The following TRPM3 variants were observed in gnomAD, a reference collection of about 807,000 sequenced individuals.
TRPM3 encodes transient receptor potential cation channel subfamily M member 3, also known as long transient receptor potential channel 3.
TRPM3 carries 77 observed loss-of-function variants against 181.2 expected under a neutral mutation model. That is an observed-to-expected ratio of 0.42 (90% confidence interval 0.35 to 0.51). The LOEUF is 0.51. TRPM3 is among the 20% of genes least tolerant of loss of function. The pLI is 0.01. For synonymous variants in TRPM3, 745 were observed against 796.4 expected (o/e 0.94, Z 1.09); for missense variants, 1,759 against 2,196.7 (o/e 0.80, Z 3.98).
intron 1 of TRPM3, among the ~76,000 whole-genome samples, chr9:71,057,384 A>G (rs2060787332): frequency 6.6e-6 from 1 of 152,072 alleles, no homozygotes; most frequent in African/African-American, 2.4e-5. Context: ...AGTGCTCTTA[A>G]CAGCATTAGC....
chr9:70,550,434 T>G (rs545196095), intron 24 of TRPM3, among the ~76,000 whole-genome samples: 1 of 152,230 alleles, frequency 6.6e-6, no homozygotes, highest in African/African-American at 2.4e-5. Context: ...TGAGCCATTG[T>G]TGAGCTCTGG....
At chr9:70,606,295 AGTCCTTACTTCCCTTT>A in intron 19 of TRPM3, among the ~76,000 whole-genome samples, 1 of 152,224 alleles carries the variant, frequency 6.6e-6, no homozygotes, top group East Asian at 1.9e-4. Flanking sequence ...CTCTTCCCTT[AGTCCTTACTTCCCTTT>A]GATCCCCAAT....
intron 1 of TRPM3, among the ~76,000 whole-genome samples, chr9:71,229,959 A>G (rs2134861): frequency 0.69 from 105,146 of 151,990 alleles, 36,700 homozygotes; most frequent in African/African-American, 0.77. Context: ...AAGGAAATAA[A>G]AGAGATAGCT....
intron 1 of TRPM3, among the ~76,000 whole-genome samples, chr9:71,401,659 G>A (rs902947122): frequency 6.6e-5 from 10 of 152,094 alleles, no homozygotes; most frequent in Admixed American, 5.2e-4. Context: ...TAATACATAC[G>A]GTGGTTAGAG....
rs916412242 is a variant in TRPM3 at position 70,977,141 on chromosome 9, A to AT, written c.178-112631dup. On this transcript the variant is annotated intron_variant, in intron 1 of 25. Transcript: ENST00000677713. ...CAGTCTGAACTGTTTTTATTTATTTATTTTTTTTTTTGAGATGGAGTCTTG... is the reference window on the plus strand; with the variant it reads ...CAGTCTGAACTGTTTTTATTTATTTATTTTTTTTTTTTGAGATGGAGTCTTG... 1.2e-3 allele frequency among the ~76,000 whole-genome samples: 180 copies of AT among 151,136 alleles called. 1 individual carries two copies. Among genetic ancestry groups the AT allele is most frequent in the Non-Finnish European group, 1.8e-3 (124 of 67,672 alleles).
chr9:71,398,862 A>G (rs1485827687), intron 1 of TRPM3, among the ~76,000 whole-genome samples: 1 of 152,238 alleles, frequency 6.6e-6, no homozygotes, highest in Non-Finnish European at 1.5e-5. Context: ...ATAAGTAACA[A>G]TACAGTACAT....
At chr9:71,432,708 T>G (rs780344737) in intron 1 of TRPM3, among the ~76,000 whole-genome samples, 5 of 152,310 alleles carry the variant, frequency 3.3e-5, no homozygotes, top group Admixed American at 6.5e-5. Flanking sequence ...GTTTATCTTT[T>G]TGTTCAAAAT....
intron 1 of TRPM3, among the ~76,000 whole-genome samples, chr9:71,115,827 G>T (rs1355042189): frequency 6.6e-6 from 1 of 152,154 alleles, no homozygotes; most frequent in African/African-American, 2.4e-5. Flanking sequence ...AGGGTTTCTT[G>T]TTGCCTCAGG....
chr9:70,920,173 T>C (rs1184023495), intron 1 of TRPM3, among the ~76,000 whole-genome samples: 1 of 152,222 alleles, frequency 6.6e-6, no homozygotes, highest in Non-Finnish European at 1.5e-5. Context: ...ATCTTCAATA[T>C]TTGATATGCA....
intron 1 of TRPM3, among the ~76,000 whole-genome samples, chr9:71,243,292 G>A (rs2081830067): frequency 6.6e-6 from 1 of 152,104 alleles, no homozygotes; most frequent in African/African-American, 2.4e-5. Flanking sequence ...TCAAAGTGCT[G>A]GGATTACAGG....
intron 1 of TRPM3, among the ~76,000 whole-genome samples, chr9:71,044,688 T>G (rs1274643643): frequency 1.3e-5 from 2 of 152,224 alleles, no homozygotes; most frequent in African/African-American, 2.4e-5. Context: ...TTTTCGTTTT[T>G]TGAGACGGAG....
At chr9:71,365,306 T>C (rs6560200) in intron 1 of TRPM3, among the ~76,000 whole-genome samples, 78,170 of 152,038 alleles carry the variant, frequency 0.51, 20,418 homozygotes, top group East Asian at 0.6. Flanking sequence ...AACCCCAGGC[T>C]GCATGTAAAG....
chr9:70,916,144 C>T (rs760318735), intron 1 of TRPM3, among the ~76,000 whole-genome samples: 2 of 152,010 alleles, frequency 1.3e-5, no homozygotes, highest in Non-Finnish European at 2.9e-5. Context: ...GTATGTTCAG[C>T]AAAAATATCC....
At chr9:71,055,366 G>A (rs1188442519) in intron 1 of TRPM3, among the ~76,000 whole-genome samples, 3 of 152,068 alleles carry the variant, frequency 2.0e-5, no homozygotes, top group Admixed American at 2.0e-4. Context: ...ACTGGAGATA[G>A]ATAATAAGAT....
In TRPM3 at chr9:70,687,791, G is replaced by A. The variant is rs981771811; in HGVS notation, c.1273-6213C>T. Among the ~76,000 whole-genome samples, 13 of 152,234 alleles carry A rather than the reference G, an allele frequency of 8.5e-5. No individual in the cohort carries two copies. In the East Asian group the frequency reaches 1.7e-3, roughly 20 times the overall value. On this transcript the variant is annotated intron_variant, in intron 8 of 25. Transcript: ENST00000677713. The stretch of plus-strand genomic sequence containing the variant: ...AGTCAGAAATCTGCACATTGCACTT[G>A]TCACTCTCACCCTCTTGCATGTAGT...
rs1284359329 is a variant in TRPM3 at position 71,202,241 on chromosome 9, C to T, written c.183+244412G>A. Among the ~76,000 whole-genome samples the T allele has an allele frequency of 4.6e-5, 7 of 152,094 alleles. No individual in the cohort carries two copies. The East Asian group carries it at 5.8e-4, about 13-fold the overall frequency. ...ATGTGACGTGTCAGTCTGCCCCTACCGGGGGGTGCCTCCCAGTTAGGCTGC... is the reference window on the plus strand; with the variant it reads ...ATGTGACGTGTCAGTCTGCCCCTACTGGGGGGTGCCTCCCAGTTAGGCTGC... On this transcript the variant is annotated intron_variant, in intron 1 of 24. Coordinates refer to the TRPM3 transcript ENST00000357533.
chr9:70,766,365 G>C (rs2079118971), intron 7 of TRPM3, among the ~76,000 whole-genome samples: 1 of 152,076 alleles, frequency 6.6e-6, no homozygotes, highest in South Asian at 2.1e-4. Flanking sequence ...TTAAAAATTA[G>C]GAAATGCATT....
At chr9:71,143,055 C>T (rs964686527) in intron 1 of TRPM3, among the ~76,000 whole-genome samples, 3 of 147,158 alleles carry the variant, frequency 2.0e-5, no homozygotes, top group East Asian at 2.0e-4. Flanking sequence ...GAGGCTGAGG[C>T]GGGAAGATCA....
rs141548394 is a variant in TRPM3 at position 71,366,402 on chromosome 9, C to A, written c.183+80251G>T. On this transcript the variant is annotated intron_variant, in intron 1 of 24. Transcript: ENST00000357533. ...ATGCATTGGCCAAGGAAGGGAGAGG[C>A]CCTGTTGAGCTCTCAGCAGCCCTGG... 3.0e-3 allele frequency among the ~76,000 whole-genome samples: 460 copies of A among 152,126 alleles called. 3 individuals carry two copies. Among genetic ancestry groups the A allele is most frequent in the African/African-American group, 0.011 (439 of 41,488 alleles).
Sources: allele counts gnomAD v4.1 joint callset (sites outside exome capture counted in the v4.1 genomes callset), GRCh38; gene constraint gnomAD v4.1.1; transcripts MANE v1.5; gene names NCBI Gene and HGNC (gene_info 2026-07-23, HGNC 2026-07-21).